ERICH3: variants seen among roughly 807,000 people sequenced by gnomAD.
ERICH3 encodes the protein glutamate-rich protein 3.
A neutral mutation model predicts 131.1 loss-of-function variants in ERICH3; 126 were observed. The observed-to-expected ratio is 0.96, with a 90% CI of 0.83 to 1.11. The LOEUF (loss-of-function observed/expected upper bound fraction) is 1.11. Ranked by LOEUF, ERICH3 falls within the 50% of genes most tolerant of loss-of-function variation. The pLI, the probability that ERICH3 is intolerant of heterozygous loss-of-function variation, is 0.00. For synonymous variants in ERICH3, 695 were observed against 644.6 expected (o/e 1.08, Z -1.18); for missense variants, 2,050 against 1,810.7 (o/e 1.13, Z -2.40).
At chr1:74,670,459 G>A (rs1345864543) in intron 1 of ERICH3, among the ~76,000 whole-genome samples, 1 of 152,174 alleles carries the variant, frequency 6.6e-6, no homozygotes, top group East Asian at 1.9e-4. Flanking sequence ...GGAAGTCAGG[G>A]ACCCCGAACA....
At chr1:74,606,537 TC>T in intron 10 of ERICH3, 63 bp downstream of exon 10, 1 of 1,486,696 alleles carries the variant, frequency 6.7e-7, no homozygotes, top group Non-Finnish European at 9.1e-7. Context: ...ATTTTGATCA[TC>T]ACATTTCAAA....
chr1:74,673,007 A>G (rs1231177684), intron 1 of ERICH3, among the ~76,000 whole-genome samples: 1 of 152,166 alleles, frequency 6.6e-6, no homozygotes, highest in East Asian at 1.9e-4. Flanking sequence ...GCAGAAAAAA[A>G]TCCCTGAAAT....
chr1:74,597,764 A>G, intron 11 of ERICH3, among the ~76,000 whole-genome samples: 1 of 152,052 alleles, frequency 6.6e-6, no homozygotes, highest in East Asian at 1.9e-4. Flanking sequence ...AATCAACTCA[A>G]GATGTATTAA....
chr1:74,572,923 C>T lies in ERICH3; in HGVS notation c.2787G>A (p.Glu929=), dbSNP rs1205335821. ...CCACCCCACCCTCAGCCTCTCCCTC[C>T]TCCGATGTCGCTGCCTCTCTCAGGG... is the stretch of plus-strand genomic sequence containing the variant. ...VAALREAATS[E]EGEAEGGVAV... Residue 929 remains glutamate, a synonymous_variant, in exon 14 of 15, where the codon GAG becomes GAA. Transcript: ENST00000326665. 3 of 1,613,974 alleles carry T rather than the reference C, an allele frequency of 1.9e-6. No homozygotes were observed. The highest frequency in any genetic ancestry group is 2.5e-6 in the Non-Finnish European group (3 of 1,180,012).
chr1:74,615,061 C>T (rs1648897353), intron 8 of ERICH3: 2 of 152,180 alleles, frequency 1.3e-5, no homozygotes, highest in Admixed American at 1.3e-4. Flanking sequence ...AAGTGACTGC[C>T]CTTCCATCGG....
chr1:74,630,768 A>G (rs1646320545), intron 7 of ERICH3, among the ~76,000 whole-genome samples: 1 of 152,004 alleles, frequency 6.6e-6, no homozygotes, highest in Admixed American at 6.6e-5. Flanking sequence ...AATGACAGAT[A>G]GTATGAGCTA....
At chr1:74,585,486 T>G (rs566205262) in intron 12 of ERICH3, among the ~76,000 whole-genome samples, 1 of 152,280 alleles carries the variant, frequency 6.6e-6, no homozygotes, top group South Asian at 2.1e-4. Flanking sequence ...TGGCTGTACT[T>G]TACTCATTTA....
chr1:74,668,485 T>G (rs1302785455), intron 1 of ERICH3, among the ~76,000 whole-genome samples: 1 of 152,194 alleles, frequency 6.6e-6, no homozygotes, highest in African/African-American at 2.4e-5. Flanking sequence ...TAGATTTCAA[T>G]ATAGTTGAAG....
At chr1:74,571,026 G>A (rs1646931536) in intron 14 of ERICH3, 73 bp downstream of exon 14, 9 of 1,514,238 alleles carry the variant, frequency 5.9e-6, no homozygotes, top group Non-Finnish European at 8.0e-6. Flanking sequence ...AAAGGGACAA[G>A]CCAGCCCCAA....
chr1:74,673,566 T>C lies in ERICH3; in HGVS notation c.-47A>G. 6.2e-7 allele frequency: 1 copy of C among 1,602,278 alleles called. No individual in the cohort carries two copies. The highest frequency in any genetic ancestry group is 8.5e-7 in the Non-Finnish European group (1 of 1,174,762). On this transcript the variant is annotated 5_prime_UTR_variant, in exon 1 of 15. Coordinates refer to ENST00000326665, the MANE Select transcript of ERICH3 (RefSeq NM_001002912.5). ...CCCCGCGGCAGGTGCGGAGGGTGGG[T>C]GCGTGGGGCCCCGTGCGCGCTGGCG... is the stretch of plus-strand genomic sequence containing the variant.
intron 6 of ERICH3, among the ~76,000 whole-genome samples, chr1:74,635,931 T>A (rs1411899900): frequency 6.6e-6 from 1 of 152,218 alleles, no homozygotes. Context: ...CTAGGTTTCA[T>A]GCGTTTAAAA....
At chr1:74,612,003 C>T (rs935025460) in intron 9 of ERICH3, among the ~76,000 whole-genome samples, 9 of 152,078 alleles carry the variant, frequency 5.9e-5, no homozygotes, top group Admixed American at 1.3e-4. Flanking sequence ...TGGCATCTAG[C>T]CAATACTTTT....
At chr1:74,659,055 ATAGAAGAAGTGCAG>A (rs1411826258) in intron 1 of ERICH3, among the ~76,000 whole-genome samples, 1 of 152,210 alleles carries the variant, frequency 6.6e-6, no homozygotes, top group Admixed American at 6.5e-5. Context: ...GTTTAGAATC[ATAGAAGAAGTGCAG>A]TAAGGAGACT....
chr1:74,659,894 T>A (rs544223872), intron 1 of ERICH3, among the ~76,000 whole-genome samples: 43 of 152,184 alleles, frequency 2.8e-4, no homozygotes, highest in African/African-American at 9.9e-4. Context: ...AGCAGGGAAA[T>A]CATACACAAA....
intron 13 of ERICH3, 101 bp downstream of exon 13, chr1:74,576,794 G>T: frequency 1.9e-6 from 2 of 1,028,316 alleles, no homozygotes; most frequent in Non-Finnish European, 1.4e-6. Context: ...ATAAATACTA[G>T]AAAGCCTAGT....
chr1:74,655,198 A>G (rs1027818923), intron 1 of ERICH3, among the ~76,000 whole-genome samples: 7 of 152,194 alleles, frequency 4.6e-5, no homozygotes, highest in Admixed American at 3.9e-4. Flanking sequence ...TTTTGGTTCA[A>G]CCAGGTTAGT....
chr1:74,650,020 T>G (rs891946794), intron 1 of ERICH3, among the ~76,000 whole-genome samples: 7 of 152,154 alleles, frequency 4.6e-5, no homozygotes, highest in African/African-American at 4.8e-5. Flanking sequence ...GATAGATCAT[T>G]ATTCTTGGTA....
chr1:74,574,184 G>C (rs909593104), intron 13 of ERICH3, among the ~76,000 whole-genome samples: 2 of 151,798 alleles, frequency 1.3e-5, no homozygotes, highest in African/African-American at 4.8e-5. Context: ...TGTTTTGTTA[G>C]TAGAGACAGG....
At chr1:74,612,954 A>G (rs910439578) in intron 8 of ERICH3, 145 bp from the exon 9 acceptor site, 2 of 570,826 alleles carry the variant, frequency 3.5e-6, no homozygotes, top group South Asian at 7.9e-5. Context: ...CCACACTGGA[A>G]GAAGAAGAAT....
Sources: gnomAD v4.1 joint callset for allele counts (sites outside exome capture counted in the v4.1 genomes callset) on GRCh38, gnomAD v4.1.1 for gene constraint, MANE v1.5 for transcripts, NCBI Gene and HGNC (gene_info 2026-07-23, HGNC 2026-07-21) for gene names.